Variants in ZC3H8 observed in about 807,000 individuals in gnomAD.
The protein encoded by ZC3H8 is zinc finger CCCH domain-containing protein 8.
In ZC3H8, 27 loss-of-function variants were observed where a neutral mutation model predicts 42.5. The ratio of observed to expected loss-of-function variants is 0.64; its 90% CI spans 0.47 to 0.88. ZC3H8 has a LOEUF of 0.88. Among genes scored for constraint, ZC3H8 ranks in the 40% least tolerant of loss-of-function variants. The probability of loss-of-function intolerance (pLI) is 0.00; values close to 1 mark genes in which losing one functional copy is unlikely to be tolerated. For synonymous variants in ZC3H8, 101 were observed against 110.1 expected, an observed-to-expected ratio of 0.92 and a Z score of 0.52; for missense variants, 277 against 336.1, an observed-to-expected ratio of 0.82 and a Z score of 1.37.
chr2:112,239,321 T>C (rs1312282815), intron 2 of ZC3H8, among the ~76,000 whole-genome samples: 3 of 152,230 alleles, frequency 2.0e-5, no homozygotes, highest in Non-Finnish European at 1.5e-5. Context: ...ATAATTAGTA[T>C]GTATGACACA....
intron 5 of ZC3H8, 33 bp downstream of exon 5, chr2:112,234,087 T>C: frequency 8.0e-7 from 1 of 1,247,116 alleles, no homozygotes; most frequent in Non-Finnish European, 1.1e-6. Context: ...CAGTTTTACA[T>C]TTTAGTAGAT....
Position 112,214,534 on chromosome 2 carries a change from C to T in ZC3H8, c.*1950G>A, listed in dbSNP as rs970276993. On this transcript the variant is annotated 3_prime_UTR_variant, in exon 9 of 9. Transcript: ENST00000409573. ...TCAAGGGTCAGTGAGATTTACTTCA[C>T]AGGAGGAAACCAAGGGGAGCAGAGG... 4 of 152,076 alleles carry T rather than the reference C, an allele frequency of 2.6e-5. No individual in the cohort carries two copies. Among genetic ancestry groups the T allele is most frequent in the African/African-American group, 9.7e-5 (4 of 41,364 alleles). 9.4% of individuals were successfully genotyped at this position (152,076 alleles called of 1,614,324 possible).
chr2:112,244,084 A>C (rs1309119370), intron 2 of ZC3H8, among the ~76,000 whole-genome samples: 3 of 148,594 alleles, frequency 2.0e-5, no homozygotes, highest in African/African-American at 7.6e-5. Context: ...TCTCACCACA[A>C]TAGCACTAAG....
At chr2:112,221,404 C>G (rs1056511931) in intron 8 of ZC3H8, among the ~76,000 whole-genome samples, 1 of 152,156 alleles carries the variant, frequency 6.6e-6, no homozygotes, top group Non-Finnish European at 1.5e-5. Flanking sequence ...CACCTTCTGC[C>G]ATGTCTGTAA....
intron 8 of ZC3H8, among the ~76,000 whole-genome samples, chr2:112,218,514 C>A (rs908917413): frequency 2.6e-5 from 4 of 152,134 alleles, no homozygotes; most frequent in Non-Finnish European, 2.9e-5. Context: ...AAACAATGAA[C>A]AGTCTAAAAA....
At chr2:112,220,992 G>C (rs939601890) in intron 8 of ZC3H8, among the ~76,000 whole-genome samples, 5 of 152,296 alleles carry the variant, frequency 3.3e-5, no homozygotes, top group Admixed American at 2.0e-4. Context: ...GAACTTGAAT[G>C]TTGGCCTCTC....
At chr2:112,228,155 A>G (rs1684927816) in intron 8 of ZC3H8, among the ~76,000 whole-genome samples, 1 of 152,198 alleles carries the variant, frequency 6.6e-6, no homozygotes, top group African/African-American at 2.4e-5. Context: ...TAGTCAGCTG[A>G]TTTTTGACAA....
In ZC3H8 at chr2:112,236,565, T is replaced by C; in HGVS notation, c.501A>G (p.Glu167=). ...NALLRNSGSQ[E]EDGKPKEKQQ... ...CTAGAAGCATATATTCCAATACCTC[T>C]TCCTGTGAGCCGCTGTTCCTCAGCA... Residue 167 remains glutamate (E), a synonymous_variant, in exon 4 of 9, where the codon GAA becomes GAG. Transcript: ENST00000409573. 1.2e-6 allele frequency: 2 copies of C among 1,613,108 alleles called. No individual in the cohort carries two copies. Among genetic ancestry groups the C allele is most frequent in the African/African-American group, 1.3e-5 (1 of 74,970 alleles).
intron 8 of ZC3H8, among the ~76,000 whole-genome samples, chr2:112,229,559 G>A (rs1685002358): frequency 2.6e-5 from 4 of 152,180 alleles, no homozygotes; most frequent in Admixed American, 2.6e-4. Flanking sequence ...TAGCCCACTG[G>A]TCCCAGGAGA....
rs1407375418 is a variant in ZC3H8, at chr2:112,238,346, TG to T, written c.338del (p.Thr113LysfsTer6). 1.2e-6 allele frequency: 2 copies of T among 1,613,660 alleles called. No individual in the cohort carries two copies. Among genetic ancestry groups the T allele is most frequent in the Non-Finnish European group, 1.7e-6 (2 of 1,179,890 alleles). ...MANAAQPEESTKKEGVKDTPQ... is the reference protein window; with the variant it reads ...MANAAQPEESXKKEGVKDTPQ... ...GGGTATCTTTTACTCCTTCTTTCTT[TG>T]TAGATTCTTCAGGTTGAGCAGCATT... On this transcript the variant is annotated frameshift_variant, in exon 3 of 9. Coordinates refer to ENST00000409573, the MANE Select transcript of ZC3H8 (RefSeq NM_032494.3). LOFTEE classifies it high-confidence loss of function.
At chr2:112,249,284 C>T (rs1404612915) in intron 2 of ZC3H8, among the ~76,000 whole-genome samples, 1 of 152,128 alleles carries the variant, frequency 6.6e-6, no homozygotes, top group East Asian at 1.9e-4. Flanking sequence ...GATACTTTTG[C>T]AAGCCATCAC....
At chr2:112,223,303 T>A (rs531967113) in intron 8 of ZC3H8, among the ~76,000 whole-genome samples, 132 of 152,166 alleles carry the variant, frequency 8.7e-4, no homozygotes, top group African/African-American at 2.9e-3. Context: ...GAAGGAATAA[T>A]AAATCTATAT....
intron 4 of ZC3H8, among the ~76,000 whole-genome samples, chr2:112,234,643 T>C (rs764650444): frequency 1.3e-5 from 2 of 151,798 alleles, no homozygotes; most frequent in Non-Finnish European, 2.9e-5. Context: ...TCTACTAAAA[T>C]ACAAAAATTA....
At chr2:112,236,380 TG>T (rs781063796) in intron 4 of ZC3H8, among the ~76,000 whole-genome samples, 181 bp downstream of exon 4, 17 of 152,272 alleles carry the variant, frequency 1.1e-4, no homozygotes, top group Non-Finnish European at 2.1e-4. Flanking sequence ...AAAAGAAAGC[TG>T]CAATAAGAAG....
At chr2:112,237,927 A>C (rs1040576474) in intron 3 of ZC3H8, among the ~76,000 whole-genome samples, 7 of 152,158 alleles carry the variant, frequency 4.6e-5, no homozygotes, top group African/African-American at 1.7e-4. Flanking sequence ...CATTTTAGTA[A>C]TCTAGAAGAA....
intron 4 of ZC3H8, among the ~76,000 whole-genome samples, chr2:112,235,531 T>A (rs1292527633): frequency 1.3e-5 from 2 of 152,168 alleles, no homozygotes; most frequent in Non-Finnish European, 2.9e-5. Context: ...GGGGACAGAC[T>A]GTATATAAAT....
At chr2:112,225,125 T>C (rs1684760972) in intron 8 of ZC3H8, among the ~76,000 whole-genome samples, 1 of 152,252 alleles carries the variant, frequency 6.6e-6, no homozygotes, top group Non-Finnish European at 1.5e-5. Flanking sequence ...TGTATTGATC[T>C]TGTTTCCTGA....
rs1388150739 is a variant in ZC3H8 at position 112,240,992 on chromosome 2, T to TGTGC, written c.157-2465_157-2464insGCAC. Among the ~76,000 whole-genome samples, 565 of 143,832 alleles carry TGTGC rather than the reference T, an allele frequency of 3.9e-3. 2 individuals are homozygous for TGTGC. The highest frequency in any genetic ancestry group is 7.4e-3 in the Middle Eastern group (2 of 270). The allele number at this position is 143,832 out of a possible 152,430, so 94.4% of individuals were successfully genotyped here. Reference sequence around the variant, plus strand: ...GTGTGTGTGTGTGTGTGTGCGCGTGTGTATGTGTGTTGTGTTTTGTGTGTG... The same window carrying TGTGC: ...GTGTGTGTGTGTGTGTGTGCGCGTGTGTGCGTATGTGTGTTGTGTTTTGTGTGTG... On this transcript the variant is annotated intron_variant, in intron 2 of 8. Transcript: ENST00000409573.
At chr2:112,250,159 T>C in intron 2 of ZC3H8, 32 bp downstream of exon 2, 1 of 1,493,652 alleles carries the variant, frequency 6.7e-7, no homozygotes, top group South Asian at 1.3e-5. Context: ...AATCTGCGTT[T>C]TCAACTTAAA....
Sources: gnomAD v4.1 joint callset for allele counts (sites outside exome capture counted in the v4.1 genomes callset) on GRCh38, gnomAD v4.1.1 for gene constraint, MANE v1.5 for transcripts, NCBI Gene and HGNC (gene_info 2026-07-23, HGNC 2026-07-21) for gene names.